Variants in SOX5 observed in about 807,000 individuals in gnomAD.
The protein encoded by SOX5 is transcription factor SOX-5.
In SOX5, 9 loss-of-function variants were observed where a neutral mutation model predicts 92.0. The observed-to-expected ratio is 0.10, with a 90% CI of 0.06 to 0.17. The LOEUF is 0.17. Ranked by LOEUF, SOX5 falls within the 10% of genes least tolerant of loss-of-function variation. The pLI is 1.00. For missense variants in SOX5, 642 were observed against 944.5 expected (o/e 0.68, Z 4.20); for synonymous variants, 344 against 336.3 (o/e 1.02, Z -0.25).
chr12:24,508,735 G>T (rs1017508933), intron 1 of SOX5, among the ~76,000 whole-genome samples: 1 of 152,124 alleles, frequency 6.6e-6, no homozygotes, highest in Non-Finnish European at 1.5e-5. Flanking sequence ...AATAAATGTT[G>T]AGATTGTCCA....
At position 23,532,789 on chromosome 12, in the gene SOX5, A is replaced by G. The variant is rs1418867871; in HGVS notation, c.*1430T>C. On this transcript the variant is annotated 3_prime_UTR_variant, in exon 15 of 15. Coordinates refer to ENST00000451604, the MANE Select transcript of SOX5 (RefSeq NM_006940.6). ...CATGGAGGGGTGAAAAATACCTTAT[A>G]AAATCATCAGTTTCATTTCCTGATC... 1.2e-5 allele frequency: 2 copies of G among 160,268 alleles called. No homozygotes were observed. The highest frequency in any genetic ancestry group is 2.7e-5 in the Non-Finnish European group (2 of 73,010). The allele number at this position is 160,268 out of a possible 1,614,324, so 9.9% of individuals were successfully genotyped here. A position where few individuals can be genotyped will look rare whatever the true frequency, so the allele number is the denominator to read the frequency against.
At chr12:24,164,216 A>T (rs1440664094) in intron 4 of SOX5, among the ~76,000 whole-genome samples, 1 of 152,064 alleles carries the variant, frequency 6.6e-6, no homozygotes, top group Admixed American at 6.6e-5. Flanking sequence ...GTTATGAGAC[A>T]GAAGTAAAAT....
At chr12:24,352,799 C>A (rs972371958) in intron 2 of SOX5, among the ~76,000 whole-genome samples, 9 of 152,188 alleles carry the variant, frequency 5.9e-5, no homozygotes, top group Non-Finnish European at 1.3e-4. Flanking sequence ...CCTTCTCAAA[C>A]AGCTGCCCCT....
intron 11 of SOX5, among the ~76,000 whole-genome samples, chr12:23,548,743 AT>A (rs1943633257): frequency 6.6e-6 from 1 of 152,100 alleles, no homozygotes; most frequent in African/African-American, 2.4e-5. Context: ...ATAATTCCAT[AT>A]GACAACTGAT....
At chr12:24,189,940 A>C (rs1956364467) in intron 4 of SOX5, among the ~76,000 whole-genome samples, 1 of 152,230 alleles carries the variant, frequency 6.6e-6, no homozygotes, top group African/African-American at 2.4e-5. Flanking sequence ...TAGGGGAAGA[A>C]GGGCTTCTAT....
intron 3 of SOX5, among the ~76,000 whole-genome samples, chr12:23,794,986 A>G (rs559739949): frequency 1.9e-4 from 29 of 152,272 alleles, no homozygotes; most frequent in Middle Eastern, 6.8e-3. Context: ...TCTAACAAAA[A>G]CACAATAAGA....
intron 8 of SOX5, among the ~76,000 whole-genome samples, chr12:23,618,975 C>T (rs2076875289): frequency 6.6e-6 from 1 of 152,192 alleles, no homozygotes; most frequent in East Asian, 1.9e-4. Flanking sequence ...CTTCTTGAGT[C>T]AGTAGTAGCA....
intron 3 of SOX5, among the ~76,000 whole-genome samples, chr12:23,763,572 G>C (rs2094622232): frequency 6.6e-6 from 1 of 152,074 alleles, no homozygotes; most frequent in African/African-American, 2.4e-5. Context: ...ATGAAGGACT[G>C]GGGAGGTGCC....
chr12:23,600,093 A>G (rs1372300352), intron 9 of SOX5, among the ~76,000 whole-genome samples: 1 of 152,214 alleles, frequency 6.6e-6, no homozygotes, highest in Admixed American at 6.5e-5. Flanking sequence ...AAGCAACATT[A>G]TTGTATATGT....
intron 3 of SOX5, among the ~76,000 whole-genome samples, chr12:23,818,579 C>G (rs1008219554): frequency 2.0e-5 from 3 of 152,062 alleles, no homozygotes; most frequent in African/African-American, 7.2e-5. Context: ...TAAATTAAAT[C>G]TATAACAAAT....
intron 8 of SOX5, among the ~76,000 whole-genome samples, chr12:23,612,737 T>C (rs73091318): frequency 0.076 from 11,576 of 152,224 alleles, 597 homozygotes; most frequent in Non-Finnish European, 0.11. Flanking sequence ...ATATGTACTA[T>C]ATATATTTGA....
chr12:24,445,491 A>G (rs1338901067), intron 1 of SOX5, among the ~76,000 whole-genome samples: 1 of 152,214 alleles, frequency 6.6e-6, no homozygotes, highest in Middle Eastern at 3.2e-3. Flanking sequence ...ACCAGGAAAT[A>G]GAGATAATAA....
At chr12:24,478,160 A>G (rs1310378736) in intron 1 of SOX5, among the ~76,000 whole-genome samples, 1 of 152,196 alleles carries the variant, frequency 6.6e-6, no homozygotes, top group African/African-American at 2.4e-5. Flanking sequence ...ATTACTACTG[A>G]AGTGTGAGAA....
intron 3 of SOX5, among the ~76,000 whole-genome samples, chr12:24,258,815 C>T (rs1298185741): frequency 6.6e-6 from 1 of 152,106 alleles, no homozygotes; most frequent in Non-Finnish European, 1.5e-5. Context: ...TACATTAATT[C>T]ATTTACTGTC....
chr12:24,505,756 C>G lies in SOX5; in HGVS notation c.-251+56573G>C, dbSNP rs12369011. Among the ~76,000 whole-genome samples, 763 of 152,308 alleles carry G rather than the reference C, an allele frequency of 5.0e-3. 3 individuals are homozygous for G. The highest frequency in any genetic ancestry group is 8.8e-3 in the Non-Finnish European group (600 of 68,034). On this transcript the variant is annotated intron_variant, in intron 1 of 4. Coordinates refer to the SOX5 transcript ENST00000446891. The stretch of plus-strand genomic sequence containing the variant: ...TCCATCAATTTGTATGTAAATCACT[C>G]TCCTAACAGCATATGTCATGCTTCC...
chr12:24,398,187 T>C (rs1248387792), intron 1 of SOX5, among the ~76,000 whole-genome samples: 1 of 152,142 alleles, frequency 6.6e-6, no homozygotes, highest in Non-Finnish European at 1.5e-5. Flanking sequence ...TCATTCATTC[T>C]TTCCTCTGGA....
chr12:24,014,037 C>G (rs1448519462), intron 4 of SOX5, among the ~76,000 whole-genome samples: 1 of 152,176 alleles, frequency 6.6e-6, no homozygotes, highest in Non-Finnish European at 1.5e-5. Context: ...GTCTATTAGT[C>G]TATTAGTGTA....
intron 4 of SOX5, among the ~76,000 whole-genome samples, chr12:24,051,593 G>GA (rs1379638705): frequency 6.6e-6 from 1 of 152,082 alleles, no homozygotes; most frequent in Non-Finnish European, 1.5e-5. Flanking sequence ...TAGACTAACA[G>GA]AAAAAATCCA....
intron 4 of SOX5, among the ~76,000 whole-genome samples, chr12:24,150,119 A>C (rs1177451974): frequency 3.9e-5 from 6 of 152,144 alleles, no homozygotes; most frequent in Admixed American, 3.9e-4. Context: ...GTATACTTCG[A>C]ATATGTGCAG....
Sources: gnomAD v4.1 joint callset for allele counts (sites outside exome capture counted in the v4.1 genomes callset) on GRCh38, gnomAD v4.1.1 for gene constraint, MANE v1.5 for transcripts, NCBI Gene and HGNC (gene_info 2026-07-23, HGNC 2026-07-21) for gene names.